IL1RAPL1: variants seen among roughly 807,000 people sequenced by gnomAD.
IL1RAPL1 encodes interleukin-1 receptor accessory protein-like 1.
A neutral mutation model predicts 48.4 loss-of-function variants in IL1RAPL1; 3 were observed. The ratio of observed to expected loss-of-function variants is 0.06; its 90% CI spans 0.03 to 0.16. IL1RAPL1 has a LOEUF of 0.16. IL1RAPL1 is among the 10% of genes least tolerant of loss of function. The pLI, the probability that IL1RAPL1 is intolerant of heterozygous loss-of-function variation, is 1.00. For synonymous variants in IL1RAPL1, 185 were observed against 187.7 expected, an observed-to-expected ratio of 0.99 and a Z score of 0.12; for missense variants, 349 against 530.6, an observed-to-expected ratio of 0.66 and a Z score of 3.36.
chrX:29,836,906 G>T (rs1302369593), intron 6 of IL1RAPL1, among the ~76,000 whole-genome samples: 1 of 110,321 alleles, frequency 9.1e-6, no homozygotes, highest in Non-Finnish European at 1.9e-5. Context: ...TTGAACCCAG[G>T]AAGTCAGGTT....
At chrX:29,217,154 G>A (rs369256775) in intron 2 of IL1RAPL1, among the ~76,000 whole-genome samples, 9 of 112,090 alleles carry the variant, frequency 8.0e-5, no homozygotes, top group South Asian at 7.4e-4. Context: ...GTTGTTTATC[G>A]CCCATGATGG....
At chrX:29,374,916 G>A (rs1421477786) in intron 3 of IL1RAPL1, among the ~76,000 whole-genome samples, 3 of 110,266 alleles carry the variant, frequency 2.7e-5, no homozygotes, top group Admixed American at 1.9e-4. Flanking sequence ...ATACTTCTAG[G>A]AAAAAACTCT....
chrX:29,818,765 T>G (rs1022369842), intron 6 of IL1RAPL1, among the ~76,000 whole-genome samples: 1 of 111,927 alleles, frequency 8.9e-6, no homozygotes, highest in African/African-American at 3.2e-5. Flanking sequence ...AAATATAGAG[T>G]GCTCAAGTTA....
intron 3 of IL1RAPL1, among the ~76,000 whole-genome samples, chrX:29,291,777 C>T (rs2147605341): frequency 8.9e-6 from 1 of 112,348 alleles, no homozygotes; most frequent in East Asian, 2.8e-4. Flanking sequence ...TAGTATCGTT[C>T]CTTAAAATGT....
At chrX:28,602,278 T>C (rs950217222) in intron 1 of IL1RAPL1, among the ~76,000 whole-genome samples, 1 of 111,788 alleles carries the variant, frequency 8.9e-6, no homozygotes, top group African/African-American at 3.3e-5. Context: ...TTTCTATATA[T>C]TCACTAGCTG....
chrX:29,541,235 A>G (rs956592605), intron 5 of IL1RAPL1, among the ~76,000 whole-genome samples: 9 of 111,832 alleles, frequency 8.0e-5, no homozygotes, highest in African/African-American at 2.9e-4. Flanking sequence ...ATGAGACACC[A>G]TGTCACACCA....
At position 29,843,584 on chromosome X, in the gene IL1RAPL1, G is replaced by A. The variant is rs775195810; in HGVS notation, c.779-73880G>A. Among the ~76,000 whole-genome samples the A allele has an allele frequency of 9.8e-4, 109 of 111,192 alleles. 1 individual carries two copies. Among genetic ancestry groups the A allele is most frequent in the Non-Finnish European group, 1.5e-3 (79 of 52,997 alleles). On this transcript the variant is annotated intron_variant, in intron 6 of 10. Coordinates refer to ENST00000378993, the MANE Select transcript of IL1RAPL1 (RefSeq NM_014271.4). Reference sequence around the variant, plus strand: ...GTCAGTCCAAAATCAGTTTTACAGGGCTAAAATCAAGGCGTAGGCAGGGCT... The same window carrying A: ...GTCAGTCCAAAATCAGTTTTACAGGACTAAAATCAAGGCGTAGGCAGGGCT...
intron 6 of IL1RAPL1, among the ~76,000 whole-genome samples, chrX:29,802,830 C>CGTGT (rs1929983207): frequency 9.4e-5 from 3 of 31,833 alleles, no homozygotes; most frequent in African/African-American, 2.7e-4. Flanking sequence ...TATATGTATA[C>CGTGT]ATATATGTAT....
At chrX:29,334,868 C>T (rs1270824550) in intron 3 of IL1RAPL1, among the ~76,000 whole-genome samples, 10 of 112,680 alleles carry the variant, frequency 8.9e-5, no homozygotes, top group African/African-American at 2.6e-4. Context: ...ACTTCCCAGA[C>T]GGGTTGGCGG....
At chrX:29,743,311 A>G (rs780915946) in intron 6 of IL1RAPL1, among the ~76,000 whole-genome samples, 2 of 107,900 alleles carry the variant, frequency 1.9e-5, no homozygotes, top group African/African-American at 3.3e-5. Context: ...TATACACACA[A>G]TGCTTTGTCA....
At chrX:29,387,150 T>G (rs1356979833) in intron 3 of IL1RAPL1, among the ~76,000 whole-genome samples, 3 of 112,079 alleles carry the variant, frequency 2.7e-5, no homozygotes, top group Admixed American at 1.9e-4. Context: ...TCTCATGTCC[T>G]GCCTTCAAAT....
chrX:29,011,798 CA>C (rs1926128454), intron 2 of IL1RAPL1, among the ~76,000 whole-genome samples: 1 of 112,440 alleles, frequency 8.9e-6, no homozygotes, highest in Non-Finnish European at 1.9e-5. Flanking sequence ...TATAAGTCTA[CA>C]AAGCTATTTT....
At chrX:29,579,503 A>G (rs1602307413) in intron 5 of IL1RAPL1, among the ~76,000 whole-genome samples, 1 of 111,983 alleles carries the variant, frequency 8.9e-6, no homozygotes, top group Admixed American at 9.5e-5. Flanking sequence ...GCTTACCTAT[A>G]TATTCTCTTA....
chrX:29,714,489 A>G (rs1020449003), intron 6 of IL1RAPL1, among the ~76,000 whole-genome samples: 2 of 112,179 alleles, frequency 1.8e-5, no homozygotes, highest in African/African-American at 6.5e-5. Context: ...CAAAGATGAA[A>G]TAGTCTATTT....
rs376011756 is a variant in IL1RAPL1 at position 29,200,297 on chromosome X, A to G, written c.83-82641A>G. ...AGTCATTCAGAGGCTCTGCATAGCT[A>G]ATACTATCATGGTTCTCTGTGGCAC... On this transcript the variant is annotated intron_variant, in intron 2 of 10. Transcript: ENST00000378993. Among the ~76,000 whole-genome samples the G allele has an allele frequency of 1.6e-4, 18 of 111,173 alleles. No individual in the cohort carries two copies. The East Asian group carries it at 5.1e-3, about 31-fold the overall frequency.
intron 6 of IL1RAPL1, among the ~76,000 whole-genome samples, chrX:29,718,172 A>T (rs1927533175): frequency 9.0e-6 from 1 of 111,325 alleles, no homozygotes; most frequent in African/African-American, 3.3e-5. Flanking sequence ...TTGTTGAGGG[A>T]GTACTCTCAG....
intron 2 of IL1RAPL1, among the ~76,000 whole-genome samples, chrX:29,162,504 C>G (rs1457323666): frequency 9.1e-6 from 1 of 109,971 alleles, no homozygotes; most frequent in African/African-American, 3.3e-5. Flanking sequence ...TGAGCAAATA[C>G]CCCAATATGT....
intron 5 of IL1RAPL1, among the ~76,000 whole-genome samples, chrX:29,570,249 A>C (rs1922551054): frequency 8.9e-6 from 1 of 112,661 alleles, no homozygotes; most frequent in Non-Finnish European, 1.9e-5. Flanking sequence ...AATTGTTCGT[A>C]CATCTACATA....
intron 2 of IL1RAPL1, among the ~76,000 whole-genome samples, chrX:29,056,841 G>A (rs1050460652): frequency 8.9e-6 from 1 of 111,774 alleles, no homozygotes; most frequent in African/African-American, 3.3e-5. Context: ...GTTATTTTAA[G>A]CCCGTAAGAG....
Sources: allele counts gnomAD v4.1 joint callset (sites outside exome capture counted in the v4.1 genomes callset), GRCh38; gene constraint gnomAD v4.1.1; transcripts MANE v1.5; gene names NCBI Gene and HGNC (gene_info 2026-07-23, HGNC 2026-07-21).